Variants in LRIG1 observed in about 807,000 individuals in gnomAD.
LRIG1 encodes leucine rich repeats and immunoglobulin like domains 1.
In LRIG1, 48 loss-of-function variants were observed where a neutral mutation model predicts 99.2. That is an observed-to-expected ratio of 0.48 (90% CI 0.38 to 0.62). LRIG1 has a LOEUF of 0.62. Among genes scored for constraint, LRIG1 ranks in the 20% least tolerant of loss-of-function variants. The probability of loss-of-function intolerance (pLI) is 0.00; values close to 1 mark genes in which losing one functional copy is unlikely to be tolerated. For synonymous variants in LRIG1, 772 were observed against 596.1 expected, an observed-to-expected ratio of 1.29 and a Z score of -4.30; for missense variants, 1,646 against 1,434.4, an observed-to-expected ratio of 1.15 and a Z score of -2.38.
At chr3:66,473,881 T>A (rs1199096326) in intron 1 of LRIG1, among the ~76,000 whole-genome samples, 1 of 152,210 alleles carries the variant, frequency 6.6e-6, no homozygotes, top group African/African-American at 2.4e-5. Flanking sequence ...TTCTTAAAGT[T>A]TACGTGTGTC....
At chr3:66,435,158 T>C (rs2106756842) in intron 3 of LRIG1, among the ~76,000 whole-genome samples, 1 of 152,298 alleles carries the variant, frequency 6.6e-6, no homozygotes, top group South Asian at 2.1e-4. Flanking sequence ...CTCCAGGGAA[T>C]TACGCTGAGT....
chr3:66,484,458 C>T (rs1209337590), intron 1 of LRIG1, among the ~76,000 whole-genome samples: 4 of 152,130 alleles, frequency 2.6e-5, no homozygotes, highest in Admixed American at 6.5e-5. Context: ...AGAATCCTCA[C>T]GATGGGAATC....
chr3:66,465,548 T>C (rs560042901), intron 1 of LRIG1, among the ~76,000 whole-genome samples: 1 of 151,700 alleles, frequency 6.6e-6, no homozygotes, highest in Non-Finnish European at 1.5e-5. Context: ...GTATTTTTAG[T>C]AGAGACAGGG....
At chr3:66,454,678 T>C (rs1700170206) in intron 2 of LRIG1, among the ~76,000 whole-genome samples, 1 of 152,152 alleles carries the variant, frequency 6.6e-6, no homozygotes, top group African/African-American at 2.4e-5. Flanking sequence ...ACCCTGGGGC[T>C]AGAGAAGGTG....
intron 1 of LRIG1, among the ~76,000 whole-genome samples, chr3:66,474,061 C>G (rs943345947): frequency 6.6e-6 from 1 of 152,158 alleles, no homozygotes; most frequent in Non-Finnish European, 1.5e-5. Context: ...TGAGAAGACA[C>G]GAAGTCAAGA....
rs201061070 is a variant in LRIG1, at chr3:66,382,202, C to G, written c.2617+71G>C. 12 of 1,592,986 alleles carry G rather than the reference C, an allele frequency of 7.5e-6. No individual in the cohort carries two copies. The African/African-American group carries it at 1.5e-4, about 20-fold the overall frequency. ...TGCCAGGTACCTGCCCTGTAAAGAC[C>G]TGGAGGCCACCTCCAGCACCCAGAG... On this transcript the variant is annotated intron_variant, in intron 16 of 18. Coordinates refer to ENST00000273261, the MANE Select transcript of LRIG1 (RefSeq NM_015541.3).
chr3:66,477,768 T>C (rs919216232), intron 1 of LRIG1, among the ~76,000 whole-genome samples: 1 of 152,092 alleles, frequency 6.6e-6, no homozygotes, highest in Non-Finnish European at 1.5e-5. Flanking sequence ...CGCATAGGTG[T>C]GCTGGAGACA....
chr3:66,466,879 C>A (rs983826039), intron 1 of LRIG1, among the ~76,000 whole-genome samples: 3 of 152,198 alleles, frequency 2.0e-5, no homozygotes, highest in African/African-American at 7.2e-5. Flanking sequence ...GGAAAGAAAC[C>A]TCGGAGAATT....
At chr3:66,461,385 CTAA>C (rs1477943161) in intron 2 of LRIG1, among the ~76,000 whole-genome samples, 2 of 152,052 alleles carry the variant, frequency 1.3e-5, no homozygotes, top group Non-Finnish European at 2.9e-5. Flanking sequence ...AAAAACTTAC[CTAA>C]TAATGTCTAA....
rs1166944631 is a variant in LRIG1, at chr3:66,456,577, A to AAG, written c.291-4945_291-4944insCT. ...AACAGAGTGAGATCCTGTCTTAAAA[A>AAG]AAAAAAAAAAAAAAAGTGATAGTAA... is the stretch of plus-strand genomic sequence containing the variant. On this transcript the variant is annotated intron_variant, in intron 2 of 18. Coordinates refer to ENST00000273261, the MANE Select transcript of LRIG1 (RefSeq NM_015541.3). 4.0e-5 allele frequency among the ~76,000 whole-genome samples: 6 copies of AAG among 150,302 alleles called. 1 individual carries two copies. Among genetic ancestry groups the AAG allele is most frequent in the Non-Finnish European group, 7.4e-5 (5 of 67,366 alleles).
intron 2 of LRIG1, among the ~76,000 whole-genome samples, chr3:66,458,284 T>C (rs1700274722): frequency 6.6e-6 from 1 of 152,200 alleles, no homozygotes; most frequent in South Asian, 2.1e-4. Context: ...TCCAGCTAAT[T>C]TTTTGTAGAG....
intron 12 of LRIG1, among the ~76,000 whole-genome samples, chr3:66,392,099 T>C (rs1231320365): frequency 6.6e-6 from 1 of 152,206 alleles, no homozygotes; most frequent in Non-Finnish European, 1.5e-5. Flanking sequence ...AGCATGACAT[T>C]GTCAAAGTTC....
At chr3:66,465,550 G>A (rs1384459998) in intron 1 of LRIG1, among the ~76,000 whole-genome samples, 8 of 151,646 alleles carry the variant, frequency 5.3e-5, no homozygotes, top group African/African-American at 1.9e-4. Context: ...ATTTTTAGTA[G>A]AGACAGGGTT....
intron 1 of LRIG1, among the ~76,000 whole-genome samples, chr3:66,477,820 T>C (rs532684178): frequency 6.7e-6 from 1 of 148,762 alleles, no homozygotes; most frequent in African/African-American, 2.4e-5. Flanking sequence ...GGAGGTGATC[T>C]AATAAAGCCT....
In LRIG1 at chr3:66,380,107, T is replaced by G. The variant is rs1700945783; in HGVS notation, c.*156A>C. 1 of 604,042 alleles carries G rather than the reference T, an allele frequency of 1.7e-6. No homozygotes were observed. Among genetic ancestry groups the G allele is most frequent in the South Asian group, 2.4e-5 (1 of 41,202 alleles). The allele number at this position is 604,042 out of a possible 1,614,324, so 37.4% of individuals were successfully genotyped here. Reference sequence around the variant, plus strand: ...TACACAAATCCCCTCTTGCGTTTACTGTGCTTCAGATCCAAGTCCTGTGAG... The same window carrying G: ...TACACAAATCCCCTCTTGCGTTTACGGTGCTTCAGATCCAAGTCCTGTGAG... On this transcript the variant is annotated 3_prime_UTR_variant, in exon 19 of 19. Coordinates refer to ENST00000273261, the MANE Select transcript of LRIG1 (RefSeq NM_015541.3).
At chr3:66,462,932 C>A (rs532587906) in intron 1 of LRIG1, among the ~76,000 whole-genome samples, 9 of 152,040 alleles carry the variant, frequency 5.9e-5, no homozygotes, top group Admixed American at 1.3e-4. Flanking sequence ...AGGGAAAAAA[C>A]CCCTTCATTG....
chr3:66,472,008 A>C (rs1700606729), intron 1 of LRIG1, among the ~76,000 whole-genome samples: 1 of 150,380 alleles, frequency 6.6e-6, no homozygotes, highest in African/African-American at 2.5e-5. Flanking sequence ...GCAGCTTTAA[A>C]ATTCACTAAC....
At chr3:66,385,778 A>C (rs1438226085) in intron 13 of LRIG1, among the ~76,000 whole-genome samples, 1 of 152,234 alleles carries the variant, frequency 6.6e-6, no homozygotes. Flanking sequence ...AAACTCACCA[A>C]AAACAAGTAA....
chr3:66,383,948 T>TCACACAACACACA, intron 14 of LRIG1, 43 bp downstream of exon 14: 1 of 1,520,814 alleles, frequency 6.6e-7, no homozygotes, highest in Non-Finnish European at 9.0e-7. Flanking sequence ...TCTCTCTCGC[T>TCACACAACACACA]CACACACACA....
Sources: gnomAD v4.1 joint callset for allele counts (sites outside exome capture counted in the v4.1 genomes callset) on GRCh38, gnomAD v4.1.1 for gene constraint, MANE v1.5 for transcripts, NCBI Gene and HGNC (gene_info 2026-07-23, HGNC 2026-07-21) for gene names.